ANKRD30A: variants seen among roughly 807,000 people sequenced by gnomAD.
The protein encoded by ANKRD30A is ankyrin repeat domain-containing protein 30A.
In ANKRD30A, 170 loss-of-function variants were observed where a neutral mutation model predicts 166.3. The observed-to-expected ratio is 1.02, with a 90% CI of 0.90 to 1.16. ANKRD30A has a LOEUF of 1.16. ANKRD30A is among the 50% of genes most tolerant of loss of function. The probability of loss-of-function intolerance (pLI) is 0.00; values close to 1 mark genes in which losing one functional copy is unlikely to be tolerated. For synonymous variants in ANKRD30A, 564 were observed against 508.9 expected, an observed-to-expected ratio of 1.11 and a Z score of -1.46; for missense variants, 1,630 against 1,518.0, an observed-to-expected ratio of 1.07 and a Z score of -1.23.
In ANKRD30A at chr10:37,183,520, A is replaced by G. The variant is rs1389756869; in HGVS notation, c.2422-5947A>G. 2.0e-5 allele frequency among the ~76,000 whole-genome samples: 3 copies of G among 146,936 alleles called. 1 individual carries two copies. The highest frequency in any genetic ancestry group is 4.6e-5 in the Non-Finnish European group (3 of 65,914). ...CTCTCTTTTTCTTTTTTAAAAAGAT[A>G]TAAATCAAACAAAATCAAAATTTTG... On this transcript the variant is annotated intron_variant, in intron 24 of 35. Transcript: ENST00000361713.
intron 25 of ANKRD30A, among the ~76,000 whole-genome samples, chr10:37,191,560 A>C (rs536791099): frequency 1.3e-5 from 2 of 152,154 alleles, no homozygotes; most frequent in African/African-American, 2.4e-5. Context: ...ATTCCAGATC[A>C]GTTTTCTCCT....
intron 13 of ANKRD30A, among the ~76,000 whole-genome samples, chr10:37,155,758 T>G (rs1838320445): frequency 6.6e-6 from 1 of 152,156 alleles, no homozygotes; most frequent in Non-Finnish European, 1.5e-5. Flanking sequence ...GTTTAGTTTT[T>G]GTTCAGCGAT....
At chr10:37,246,456 A>G in the ANKRD30A span, among the ~76,000 whole-genome samples, 1 of 152,242 alleles carries the variant, frequency 6.6e-6, no homozygotes, top group Non-Finnish European at 1.5e-5. Context: ...GATGATAATA[A>G]AGAGAATTTT....
chr10:37,171,518 A>G (rs568182837), intron 21 of ANKRD30A, among the ~76,000 whole-genome samples: 13 of 151,692 alleles, frequency 8.6e-5, no homozygotes, highest in Non-Finnish European at 1.9e-4. Flanking sequence ...ATATCAGTAA[A>G]TAGGAGAAAT....
In ANKRD30A at chr10:37,133,528, A is replaced by G. The variant is rs183418775; in HGVS notation, c.618-388A>G. 1.9e-3 allele frequency among the ~76,000 whole-genome samples: 285 copies of G among 152,320 alleles called. 1 individual carries two copies. The highest frequency in any genetic ancestry group is 6.5e-3 in the African/African-American group (271 of 41,568). The stretch of plus-strand genomic sequence containing the variant: ...ACTTAGCATGACTACTACTAATATC[A>G]TTATTCCTAATATTGTTTTAAGCCT... On this transcript the variant is annotated intron_variant, in intron 4 of 35. Transcript: ENST00000361713.
intron 8 of ANKRD30A, 56 bp from the exon 9 acceptor site, chr10:37,147,314 A>G: frequency 4.5e-6 from 6 of 1,339,954 alleles, no homozygotes; most frequent in African/African-American, 1.5e-5. Flanking sequence ...TTAATTAGGA[A>G]TTTTCATGCT....
intron 2 of ANKRD30A, 72 bp from the exon 3 acceptor site, chr10:37,130,133 T>A: frequency 4.3e-6 from 5 of 1,153,912 alleles, no homozygotes; most frequent in Non-Finnish European, 5.6e-6. Flanking sequence ...TGATTTCCTA[T>A]AATTTATAAT....
Position 37,178,176 on chromosome 10 carries a change from C to T in ANKRD30A, c.2421+1958C>T, listed in dbSNP as rs1206905443. 1.9e-4 allele frequency among the ~76,000 whole-genome samples: 28 copies of T among 151,162 alleles called. 1 individual carries two copies. Among genetic ancestry groups the T allele is most frequent in the Non-Finnish European group, 3.0e-4 (20 of 67,502 alleles). On this transcript the variant is annotated intron_variant, in intron 24 of 35. Coordinates refer to ENST00000361713, the MANE Select transcript of ANKRD30A (RefSeq NM_052997.3). ...AAATTTGGGAAGAATATAATGTGAC[C>T]TTCTAGAATCAAAATTTACCAGAGA...
At chr10:37,152,148 A>G in intron 12 of ANKRD30A, 27 bp downstream of exon 12, 2 of 1,529,676 alleles carry the variant, frequency 1.3e-6, no homozygotes, top group Admixed American at 1.7e-5. Context: ...ATTTTTTTTT[A>G]ATATTAGTAT....
rs565497222 is a variant in ANKRD30A, at chr10:37,156,563, C to G, written c.1799-1829C>G. 5.9e-5 allele frequency among the ~76,000 whole-genome samples: 9 copies of G among 152,088 alleles called. No individual in the cohort carries two copies. The East Asian group carries it at 1.7e-3, about 30-fold the overall frequency. ...TACTGTTTCATCTCTGCGTGTTTTG[C>G]TTTTTTATCTTGTCTTAGAAAATTT... On this transcript the variant is annotated intron_variant, in intron 13 of 35. Coordinates refer to ENST00000361713, the MANE Select transcript of ANKRD30A (RefSeq NM_052997.3).
At chr10:37,154,936 T>C (rs1175261212) in intron 13 of ANKRD30A, among the ~76,000 whole-genome samples, 2 of 152,186 alleles carry the variant, frequency 1.3e-5, no homozygotes, top group African/African-American at 4.8e-5. Flanking sequence ...TATGTATGTA[T>C]GTATGTTGTT....
At chr10:37,197,964 G>T (rs1440625292) in intron 29 of ANKRD30A, among the ~76,000 whole-genome samples, 1 of 152,014 alleles carries the variant, frequency 6.6e-6, no homozygotes, top group Non-Finnish European at 1.5e-5. Context: ...TTATGTGTGT[G>T]TGTCTGCGTG....
At chr10:37,129,250 A>C (rs1236062948) in intron 1 of ANKRD30A, among the ~76,000 whole-genome samples, 1 of 152,206 alleles carries the variant, frequency 6.6e-6, no homozygotes, top group Non-Finnish European at 1.5e-5. Context: ...GCACCAATAA[A>C]AGATTGTTTA....
chr10:37,228,445 A>T (rs181360702), intron 34 of ANKRD30A, among the ~76,000 whole-genome samples: 1 of 152,030 alleles, frequency 6.6e-6, no homozygotes, highest in Non-Finnish European at 1.5e-5. Flanking sequence ...CATTGAAGAA[A>T]GGAAAATGAA....
At chr10:37,130,040 G>A in intron 2 of ANKRD30A, 33 bp downstream of exon 2, 10 of 1,421,456 alleles carry the variant, frequency 7.0e-6, no homozygotes, top group Non-Finnish European at 9.3e-6. Flanking sequence ...AGCAGGAGAT[G>A]GATTTGGTTT....
chr10:37,217,665 G>T (rs1288243694), intron 32 of ANKRD30A, 30 bp from the exon 33 acceptor site: 1 of 1,462,750 alleles, frequency 6.8e-7, no homozygotes. Flanking sequence ...CTAACAAAAT[G>T]AATTTTAAGA....
intron 4 of ANKRD30A, among the ~76,000 whole-genome samples, chr10:37,133,635 T>C (rs549259007): frequency 2.4e-4 from 37 of 152,286 alleles, no homozygotes; most frequent in African/African-American, 8.4e-4. Flanking sequence ...AATAGATAAT[T>C]TTTCATTTAA....
At chr10:37,259,443 G>A in the ANKRD30A span, among the ~76,000 whole-genome samples, 1 of 152,238 alleles carries the variant, frequency 6.6e-6, no homozygotes, top group Admixed American at 6.5e-5. Flanking sequence ...AAATTCTTAG[G>A]CAGCATTTAA....
intron 9 of ANKRD30A, among the ~76,000 whole-genome samples, chr10:37,148,658 C>G (rs1837687327): frequency 6.6e-6 from 1 of 151,890 alleles, no homozygotes; most frequent in Non-Finnish European, 1.5e-5. Context: ...AAGCAGGAGT[C>G]TTACTAGAAT....
Sources: gnomAD v4.1 joint callset for allele counts (sites outside exome capture counted in the v4.1 genomes callset) on GRCh38, gnomAD v4.1.1 for gene constraint, MANE v1.5 for transcripts, NCBI Gene and HGNC (gene_info 2026-07-23, HGNC 2026-07-21) for gene names.